KCTD20: variants seen among roughly 807,000 people sequenced by gnomAD.
The protein encoded by KCTD20 is potassium channel tetramerization domain containing 20.
Under a neutral mutation model 39.6 loss-of-function variants are expected in KCTD20, and 30 were observed. The observed-to-expected ratio is 0.76, with a 90% CI of 0.57 to 1.03. KCTD20 has a LOEUF of 1.03. KCTD20 is among the 50% of genes least tolerant of loss of function. The pLI is 0.00. For synonymous variants in KCTD20, 162 were observed against 180.6 expected (o/e 0.90, Z 0.83); for missense variants, 422 against 522.0 (o/e 0.81, Z 1.87).
intron 2 of KCTD20, among the ~76,000 whole-genome samples, chr6:36,472,091 G>A (rs908201921): frequency 5.3e-5 from 8 of 152,126 alleles, no homozygotes; most frequent in East Asian, 1.9e-4. Flanking sequence ...CTCATGATCC[G>A]CCCGCCTCGG....
rs148055004 is a variant in KCTD20, at chr6:36,471,292, G to A, written c.160+1035G>A. On this transcript the variant is annotated intron_variant, in intron 2 of 7. Coordinates refer to ENST00000373731, the MANE Select transcript of KCTD20 (RefSeq NM_173562.5). ...CCAATAATAGCAACTACCATTTATC[G>A]AACATTCACTGTACTAGGAACTTTA... 8.0e-4 allele frequency among the ~76,000 whole-genome samples: 122 copies of A among 151,964 alleles called. 1 individual carries two copies. The highest frequency in any genetic ancestry group is 2.8e-3 in the African/African-American group (117 of 41,438).
At chr6:36,466,716 A>G (rs1775766275) in intron 1 of KCTD20, among the ~76,000 whole-genome samples, 1 of 151,486 alleles carries the variant, frequency 6.6e-6, no homozygotes, top group East Asian at 1.9e-4. Context: ...CCCGCCTTCA[A>G]TCTGTTCTGA....
rs188849472 is a variant in KCTD20 at position 36,449,731 on chromosome 6, T to C, written c.-47+6620T>C. Among the ~76,000 whole-genome samples the C allele has an allele frequency of 7.8e-4, 119 of 152,282 alleles. 1 individual carries two copies. The highest frequency in any genetic ancestry group is 3.3e-3 in the Admixed American group (51 of 15,282). On this transcript the variant is annotated intron_variant, in intron 1 of 7. Coordinates refer to ENST00000373731, the MANE Select transcript of KCTD20 (RefSeq NM_173562.5). ...CCCCATTTTGAGGACTCCAGACATA[T>C]TGGATTAGGGCCCACCTTAATGACT... is the stretch of plus-strand genomic sequence containing the variant.
At chr6:36,483,909 T>G (rs1776339025) in intron 6 of KCTD20, among the ~76,000 whole-genome samples, 1 of 151,882 alleles carries the variant, frequency 6.6e-6, no homozygotes, top group Non-Finnish European at 1.5e-5. Flanking sequence ...TGAGTTTTAA[T>G]TACATTTCTT....
At chr6:36,462,903 G>A (rs1775642643) in intron 1 of KCTD20, among the ~76,000 whole-genome samples, 1 of 152,162 alleles carries the variant, frequency 6.6e-6, no homozygotes, top group Admixed American at 6.6e-5. Context: ...TCCTGCAGAA[G>A]CTTTGGCTAC....
At chr6:36,470,717 C>T (rs1775887071) in intron 2 of KCTD20, among the ~76,000 whole-genome samples, 1 of 152,214 alleles carries the variant, frequency 6.6e-6, no homozygotes, top group African/African-American at 2.4e-5. Flanking sequence ...CCTCTCACCT[C>T]AGCCTCACGA....
Position 36,466,041 on chromosome 6 carries a change from G to T in KCTD20, c.-46-4011G>T, listed in dbSNP as rs555962451. The stretch of plus-strand genomic sequence containing the variant: ...CAAAAAATAGTTTTGCAGCAATAGA[G>T]AATTATATTGTTGTTGAAGTGTTTT... On this transcript the variant is annotated intron_variant, in intron 1 of 7. Transcript: ENST00000373731. Among the ~76,000 whole-genome samples, 59 of 151,878 alleles carry T rather than the reference G, an allele frequency of 3.9e-4. No individual in the cohort carries two copies. The South Asian group carries it at 0.011, about 29-fold the overall frequency.
Position 36,467,318 on chromosome 6 carries a change from ATTTTTTTTTTTTTTTTTT to A in KCTD20, c.-46-2713_-46-2696del, listed in dbSNP as rs775332647. Among the ~76,000 whole-genome samples the A allele has an allele frequency of 4.0e-4, 12 of 29,904 alleles. 1 individual carries two copies. The highest frequency in any genetic ancestry group is 6.7e-4 in the African/African-American group (5 of 7,506). The allele number at this position is 29,904 out of a possible 152,430, so 19.6% of individuals were successfully genotyped here. ...TGAAAGACTCCGAAAATCCTTCAGG[ATTTTTTTTTTTTTTTTTT>A]TTTTTTTTTTTTTTTTTTTTGAGAC... On this transcript the variant is annotated intron_variant, in intron 1 of 7. Coordinates refer to ENST00000373731, the MANE Select transcript of KCTD20 (RefSeq NM_173562.5).
chr6:36,470,402 C>T (rs948155039), intron 2 of KCTD20, 145 bp downstream of exon 2: 6 of 725,698 alleles, frequency 8.3e-6, no homozygotes, highest in Non-Finnish European at 8.8e-6. Context: ...TAAAGCTGAC[C>T]TTCACAGAAA....
At chr6:36,445,886 T>G (rs188907244) in intron 1 of KCTD20, among the ~76,000 whole-genome samples, 11 of 152,268 alleles carry the variant, frequency 7.2e-5, no homozygotes, top group African/African-American at 2.6e-4. Flanking sequence ...TGAAGGAGGA[T>G]ATGATGTAAC....
chr6:36,477,389 C>T (rs1047923882), intron 3 of KCTD20, among the ~76,000 whole-genome samples: 5 of 152,108 alleles, frequency 3.3e-5, no homozygotes, highest in Non-Finnish European at 7.4e-5. Flanking sequence ...TCCAGAAAAA[C>T]ATCTGCATTC....
rs1211635275 is a variant in KCTD20 at position 36,487,053 on chromosome 6, G to A, written c.1138G>A (p.Ala380Thr). ...AAGCAAATCCCTCACGAATCTGGTA[G>A]CTGCTGGAGATGATGTCTTGGAGGA... is the stretch of plus-strand genomic sequence containing the variant. ...VRSKSLTNLV[A>T]AGDDVLEDQE... Residue 380 changes from alanine to threonine, a missense_variant, in exon 8 of 8, where the codon GCT becomes ACT. By Grantham distance (58) the Ala-to-Thr change is moderately conservative. Transcript: ENST00000373731. The A allele has an allele frequency of 6.2e-7, 1 of 1,614,218 alleles. No homozygotes were observed.
chr6:36,480,022 A>T (rs564554072), intron 5 of KCTD20, among the ~76,000 whole-genome samples: 21 of 152,038 alleles, frequency 1.4e-4, no homozygotes, highest in Middle Eastern at 3.4e-3. Context: ...TGAACTCCTG[A>T]CCTCAGGTGA....
intron 1 of KCTD20, among the ~76,000 whole-genome samples, chr6:36,455,606 TG>T (rs1266415413): frequency 2.6e-5 from 4 of 152,188 alleles, no homozygotes; most frequent in African/African-American, 9.6e-5. Context: ...TGTGTGTGTG[TG>T]TGTGTGTGTG....
chr6:36,445,686 C>G (rs1002827373), intron 1 of KCTD20, among the ~76,000 whole-genome samples: 1 of 152,196 alleles, frequency 6.6e-6, no homozygotes, highest in Non-Finnish European at 1.5e-5. Flanking sequence ...ATGCAATCCT[C>G]TCAGATAAAG....
chr6:36,475,482 C>T (rs1490519992), intron 3 of KCTD20, among the ~76,000 whole-genome samples: 2 of 151,774 alleles, frequency 1.3e-5, no homozygotes, highest in Admixed American at 1.3e-4. Flanking sequence ...TATTTTTCTG[C>T]CCTCATACAT....
Position 36,486,950 on chromosome 6 carries a change from T to C in KCTD20, c.1035T>C (p.Tyr345=), listed in dbSNP as rs781027322. 28 of 1,614,090 alleles carry C rather than the reference T, an allele frequency of 1.7e-5. No homozygotes were observed. Among genetic ancestry groups the C allele is most frequent in the Non-Finnish European group, 2.3e-5 (27 of 1,180,042 alleles). ...PGGRSEVIYN[Y]VQRPFIQMSW... is the part of the protein sequence containing the mutation. The stretch of plus-strand genomic sequence containing the variant: ...GCCGGTCTGAAGTCATCTATAATTA[T>C]GTACAACGCCCCTTCATCCAGATGT... The change falls in exon 8 of 8, where the codon TAT becomes TAC. Residue 345 remains tyrosine (Y), a synonymous_variant. Transcript: ENST00000373731.
chr6:36,481,818 C>A, intron 6 of KCTD20, 59 bp downstream of exon 6: 2 of 1,413,430 alleles, frequency 1.4e-6, no homozygotes, highest in Non-Finnish European at 2.0e-6. Context: ...CCTGGAGTAG[C>A]AGCTTGATCC....
rs1199653114 is a variant in KCTD20 at position 36,474,879 on chromosome 6, A to T, written c.251A>T (p.Gln84Leu). Residue 84 changes from glutamine (Q) to leucine (L), a missense_variant, in exon 3 of 8, where the codon CAA (glutamine) becomes CTA (leucine). Gln to Leu is a moderately radical substitution (Grantham distance 113, BLOSUM62 -2). Transcript: ENST00000373731. The part of the protein sequence containing the change: ...LAEDIKGSCF[Q>L]SGNKRNHEPF... ...GAAGACATCAAAGGTTCTTGCTTCC[A>T]AAGTGGGAATAAACGGAACCATGAA... The T allele has an allele frequency of 6.2e-7, 1 of 1,614,180 alleles. No homozygotes were observed.
Sources: allele counts gnomAD v4.1 joint callset (sites outside exome capture counted in the v4.1 genomes callset), GRCh38; gene constraint gnomAD v4.1.1; transcripts MANE v1.5; gene names NCBI Gene and HGNC (gene_info 2026-07-23, HGNC 2026-07-21).